LMX1A: variants seen among roughly 807,000 people sequenced by gnomAD.
LMX1A encodes the protein LIM homeobox transcription factor 1 alpha.
In LMX1A, 15 loss-of-function variants were observed where a neutral mutation model predicts 49.1. The ratio of observed to expected loss-of-function variants is 0.31; its 90% CI spans 0.20 to 0.47. The LOEUF is 0.47. LMX1A is among the 20% of genes least tolerant of loss of function. The probability of loss-of-function intolerance (pLI) is 1.00; values close to 1 mark genes in which losing one functional copy is unlikely to be tolerated. For missense variants in LMX1A, 372 were observed against 475.8 expected, an observed-to-expected ratio of 0.78 and a Z score of 2.03; for synonymous variants, 167 against 185.7, an observed-to-expected ratio of 0.90 and a Z score of 0.82.
At position 165,266,095 on chromosome 1, in the gene LMX1A, A is replaced by G. The variant is rs529554014; in HGVS notation, c.264-16455T>C. On this transcript the variant is annotated intron_variant, in intron 3 of 8. Transcript: ENST00000342310. The stretch of plus-strand genomic sequence containing the variant: ...GTTCTAGGAATATAACAGTAAACAC[A>G]CTAGGGGAAAATCCTTGACCTTGGA... 3.3e-5 allele frequency among the ~76,000 whole-genome samples: 5 copies of G among 152,336 alleles called. 1 individual carries two copies. The highest frequency in any genetic ancestry group is 1.2e-4 in the African/African-American group (5 of 41,566).
chr1:165,223,326 C>T (rs1429285367), intron 4 of LMX1A, among the ~76,000 whole-genome samples: 1 of 152,208 alleles, frequency 6.6e-6, no homozygotes, highest in East Asian at 1.9e-4. Context: ...GAACTTACCA[C>T]ATATCCCCAC....
chr1:165,345,515 TCTCTC>T (rs1007770317), intron 3 of LMX1A, among the ~76,000 whole-genome samples: 24 of 107,044 alleles, frequency 2.2e-4, no homozygotes, highest in African/African-American at 6.7e-4. Context: ...ACTTGGCACT[TCTCTC>T]ACCCACCAAA....
At chr1:165,234,566 A>T (rs1168965210) in intron 4 of LMX1A, among the ~76,000 whole-genome samples, 1 of 152,186 alleles carries the variant, frequency 6.6e-6, no homozygotes, top group Non-Finnish European at 1.5e-5. Flanking sequence ...TCTAACCCAG[A>T]GTCTGACAGA....
intron 7 of LMX1A, among the ~76,000 whole-genome samples, chr1:165,207,256 G>A (rs144216430): frequency 2.6e-5 from 4 of 152,172 alleles, no homozygotes; most frequent in Admixed American, 1.3e-4. Context: ...GCTGAGTTGG[G>A]TGGCCAGGGG....
At chr1:165,272,183 A>G (rs1215197395) in intron 3 of LMX1A, among the ~76,000 whole-genome samples, 2 of 152,054 alleles carry the variant, frequency 1.3e-5, no homozygotes, top group East Asian at 3.9e-4. Flanking sequence ...CCAAACTGAG[A>G]AGAAAGATCC....
chr1:165,241,948 A>C (rs1348029954), intron 4 of LMX1A, among the ~76,000 whole-genome samples: 1 of 152,226 alleles, frequency 6.6e-6, no homozygotes, highest in African/African-American at 2.4e-5. Flanking sequence ...TCCAAATCAA[A>C]ACATCCTATA....
At chr1:165,340,227 C>T (rs1300534680) in intron 3 of LMX1A, among the ~76,000 whole-genome samples, 1 of 152,062 alleles carries the variant, frequency 6.6e-6, no homozygotes, top group African/African-American at 2.4e-5. Flanking sequence ...CTCAGCCTCC[C>T]GAGTACATGG....
chr1:165,327,204 T>C (rs1655612711), intron 3 of LMX1A, among the ~76,000 whole-genome samples: 1 of 151,774 alleles, frequency 6.6e-6, no homozygotes, highest in Non-Finnish European at 1.5e-5. Context: ...AAAAGAGATA[T>C]AAGGAGAGGA....
chr1:165,332,157 A>T (rs1655766134), intron 3 of LMX1A, among the ~76,000 whole-genome samples: 1 of 152,208 alleles, frequency 6.6e-6, no homozygotes, highest in Non-Finnish European at 1.5e-5. Flanking sequence ...AAAAACAATA[A>T]GTAAATTAAA....
intron 4 of LMX1A, among the ~76,000 whole-genome samples, chr1:165,242,943 A>C (rs368052115): frequency 0.12 from 18,328 of 150,120 alleles, 1,267 homozygotes; most frequent in Non-Finnish European, 0.15. Context: ...AAAAAAAAAA[A>C]AAAACAAAAC....
intron 4 of LMX1A, among the ~76,000 whole-genome samples, chr1:165,249,205 T>C (rs1652963254): frequency 6.6e-6 from 1 of 152,226 alleles, no homozygotes; most frequent in Non-Finnish European, 1.5e-5. Flanking sequence ...GGGTAATTTG[T>C]TATGCACCAT....
Position 165,292,723 on chromosome 1 carries a change from A to C in LMX1A, c.264-43083T>G, listed in dbSNP as rs1244295716. ...ACTCAGAGAAGAACAGGACCCAGGG[A>C]ATTGGAGCAGATAAACAAATAACAA... On this transcript the variant is annotated intron_variant, in intron 3 of 8. Coordinates refer to ENST00000342310, the MANE Select transcript of LMX1A (RefSeq NM_177398.4). 3.5e-5 allele frequency among the ~76,000 whole-genome samples: 5 copies of C among 142,058 alleles called. No individual in the cohort carries two copies. In the Admixed American group the frequency reaches 3.6e-4, roughly 10 times the overall value. 93.2% of individuals were successfully genotyped at this position (142,058 alleles called of 152,430 possible). A position where few individuals can be genotyped will look rare whatever the true frequency, so the allele number is the denominator to read the frequency against.
chr1:165,338,049 T>G (rs918996401), intron 3 of LMX1A, among the ~76,000 whole-genome samples: 7 of 152,154 alleles, frequency 4.6e-5, no homozygotes, highest in Non-Finnish European at 1.5e-5. Context: ...TTAGCATCTC[T>G]TAAAAATACT....
chr1:165,266,011 C>G (rs1571189649), intron 3 of LMX1A, among the ~76,000 whole-genome samples: 1 of 152,122 alleles, frequency 6.6e-6, no homozygotes, highest in Non-Finnish European at 1.5e-5. Context: ...TTCATATATA[C>G]AACAAATATT....
At chr1:165,307,013 T>G (rs1056090827) in intron 3 of LMX1A, among the ~76,000 whole-genome samples, 1 of 152,230 alleles carries the variant, frequency 6.6e-6, no homozygotes, top group Non-Finnish European at 1.5e-5. Flanking sequence ...GCTGCGTCTG[T>G]GCATATGGGC....
intron 4 of LMX1A, among the ~76,000 whole-genome samples, chr1:165,243,721 A>G (rs1652745822): frequency 6.6e-6 from 1 of 152,242 alleles, no homozygotes; most frequent in Non-Finnish European, 1.5e-5. Context: ...GTTTGAGTTT[A>G]CATACGGAGA....
At chr1:165,262,996 T>G (rs564810812) in intron 3 of LMX1A, among the ~76,000 whole-genome samples, 4 of 152,188 alleles carry the variant, frequency 2.6e-5, no homozygotes, top group Non-Finnish European at 5.9e-5. Flanking sequence ...TTGGACATCA[T>G]CAATCATTTG....
chr1:165,306,979 T>C (rs1335721835), intron 3 of LMX1A, among the ~76,000 whole-genome samples: 2 of 152,226 alleles, frequency 1.3e-5, no homozygotes, highest in African/African-American at 2.4e-5. Context: ...ACTCTCCCCA[T>C]GTCCTCTCGG....
At chr1:165,333,019 T>C (rs1441590583) in intron 3 of LMX1A, among the ~76,000 whole-genome samples, 9 of 152,208 alleles carry the variant, frequency 5.9e-5, no homozygotes, top group Admixed American at 5.9e-4. Flanking sequence ...CATGCGGCAT[T>C]GGGACCATCA....
Sources: allele counts gnomAD v4.1 joint callset (sites outside exome capture counted in the v4.1 genomes callset), GRCh38; gene constraint gnomAD v4.1.1; transcripts MANE v1.5; gene names NCBI Gene and HGNC (gene_info 2026-07-23, HGNC 2026-07-21).